LAMA2: variants seen among roughly 807,000 people sequenced by gnomAD.
LAMA2 encodes the protein laminin subunit alpha-2.
Under a neutral mutation model 364.8 loss-of-function variants are expected in LAMA2, and 269 were observed. The observed-to-expected ratio is 0.74, with a 90% confidence interval of 0.67 to 0.82. The LOEUF is 0.82. LAMA2 is among the 40% of genes least tolerant of loss of function. The pLI is 0.00. For missense variants in LAMA2, 3,807 were observed against 3,873.2 expected (o/e 0.98, Z 0.45); for synonymous variants, 1,379 against 1,370.6 (o/e 1.01, Z -0.14).
chr6:128,933,778 T>C (rs1779640780), intron 1 of LAMA2, among the ~76,000 whole-genome samples: 1 of 152,208 alleles, frequency 6.6e-6, no homozygotes. Context: ...ATTTTGAAAT[T>C]GGCTTATTTT....
At chr6:129,297,552 G>A in intron 20 of LAMA2, 133 bp from the exon 21 acceptor site, 2 of 793,152 alleles carry the variant, frequency 2.5e-6, no homozygotes, top group Non-Finnish European at 2.1e-6. Context: ...AAACCCAATT[G>A]TCATAACATC....
At chr6:129,202,187 C>CAAAAAAAAAA (rs776190977) in intron 12 of LAMA2, among the ~76,000 whole-genome samples, 70 of 61,844 alleles carry the variant, frequency 1.1e-3, no homozygotes, top group East Asian at 1.8e-3. Flanking sequence ...GAGTCTGTCT[C>CAAAAAAAAAA]AAAAAAAAAA....
At chr6:128,936,752 A>G (rs1244352620) in intron 1 of LAMA2, among the ~76,000 whole-genome samples, 1 of 152,190 alleles carries the variant, frequency 6.6e-6, no homozygotes, top group African/African-American at 2.4e-5. Flanking sequence ...GAGATGATAA[A>G]AGGCCACCAT....
At chr6:129,465,366 A>G (rs1256509296) in intron 51 of LAMA2, 77 bp downstream of exon 51, 2 of 1,228,238 alleles carry the variant, frequency 1.6e-6, no homozygotes, top group African/African-American at 1.5e-5. Flanking sequence ...ATCAAGAGGA[A>G]GGCTCCGTCT....
chr6:128,994,824 A>T (rs1239003579), intron 1 of LAMA2, among the ~76,000 whole-genome samples: 2 of 152,122 alleles, frequency 1.3e-5, no homozygotes, highest in Non-Finnish European at 2.9e-5. Context: ...GCTAATTAAC[A>T]TTAATTCTAT....
chr6:129,498,173 G>A (rs1187414143), intron 58 of LAMA2, among the ~76,000 whole-genome samples: 7 of 152,194 alleles, frequency 4.6e-5, no homozygotes, highest in African/African-American at 1.2e-4. Context: ...GAGTTCAGCC[G>A]TAAACCTCAC....
At chr6:129,394,124 A>G (rs112060396) in intron 37 of LAMA2, among the ~76,000 whole-genome samples, 5,601 of 152,318 alleles carry the variant, frequency 0.037, 340 homozygotes, top group African/African-American at 0.12. Context: ...CTCAGCACAT[A>G]TAACAGCAGC....
At chr6:129,087,906 A>AT (rs921661843) in intron 3 of LAMA2, among the ~76,000 whole-genome samples, 21 of 148,402 alleles carry the variant, frequency 1.4e-4, no homozygotes, top group African/African-American at 4.9e-4. Context: ...TTATTTATTT[A>AT]TTTTTTTTAT....
chr6:129,066,038 G>GTATGTCTTTTTTTTTTTTTTTTTT (rs59543848), intron 3 of LAMA2, among the ~76,000 whole-genome samples: 15 of 37,114 alleles, frequency 4.0e-4, no homozygotes, highest in East Asian at 2.7e-3. Context: ...CCAGTCTCAG[G>GTATGTCTTTTTTTTTTTTTTTTTT]TTTTTTTTTT....
At chr6:129,252,759 C>G (rs1358353985) in intron 14 of LAMA2, among the ~76,000 whole-genome samples, 1 of 144,560 alleles carries the variant, frequency 6.9e-6, no homozygotes, top group Non-Finnish European at 1.5e-5. Context: ...TAAGTGACCA[C>G]CCATCTCACT....
chr6:129,420,170 C>T (rs963390833), intron 40 of LAMA2, among the ~76,000 whole-genome samples: 4 of 151,994 alleles, frequency 2.6e-5, no homozygotes, highest in Non-Finnish European at 4.4e-5. Flanking sequence ...ATTTATATAA[C>T]TGTTTCATAA....
At chr6:129,093,224 C>T (rs182196822) in intron 3 of LAMA2, among the ~76,000 whole-genome samples, 18 of 151,458 alleles carry the variant, frequency 1.2e-4, no homozygotes, top group Admixed American at 2.0e-4. Flanking sequence ...CTCCTGACAT[C>T]GTGATCCGCC....
intron 56 of LAMA2, among the ~76,000 whole-genome samples, chr6:129,487,282 A>G (rs1278515703): frequency 6.6e-6 from 1 of 152,226 alleles, no homozygotes; most frequent in Admixed American, 6.5e-5. Flanking sequence ...CTCATGCACA[A>G]ACTGATGACT....
In LAMA2 at chr6:129,512,391, T is replaced by C; in HGVS notation, c.8886T>C (p.Leu2962=). 2 of 1,613,744 alleles carry C rather than the reference T, an allele frequency of 1.2e-6. No individual in the cohort carries two copies. Among genetic ancestry groups the C allele is most frequent in the Non-Finnish European group, 1.7e-6 (2 of 1,179,636 alleles). Residue 2962 remains leucine, a synonymous_variant, in exon 63 of 65, where the codon CTT becomes CTC. Coordinates refer to ENST00000421865, the MANE Select transcript of LAMA2 (RefSeq NM_000426.4). ...GTGGATTCAAAGTGGGATTGGACCT[T>C]CTTGTAGAATTTGAATTCCGCACAA... ...AVGGFKVGLD[L]LVEFEFRTTT... is the part of the protein sequence containing the mutation.
chr6:129,236,990 G>C (rs1785039923), intron 12 of LAMA2, among the ~76,000 whole-genome samples: 1 of 152,178 alleles, frequency 6.6e-6, no homozygotes, highest in Non-Finnish European at 1.5e-5. Context: ...ATTGACTCTA[G>C]TACTAGACTG....
At chr6:129,137,914 G>T (rs904182828) in intron 4 of LAMA2, among the ~76,000 whole-genome samples, 2 of 151,910 alleles carry the variant, frequency 1.3e-5, no homozygotes, top group African/African-American at 4.8e-5. Flanking sequence ...AAAAATAGGG[G>T]GAGTCAAGGG....
intron 34 of LAMA2, among the ~76,000 whole-genome samples, chr6:129,370,543 T>C (rs989350656): frequency 3.3e-5 from 5 of 152,216 alleles, no homozygotes; most frequent in African/African-American, 7.2e-5. Flanking sequence ...AAAACTGCGA[T>C]GGTATTAAAA....
At chr6:129,186,353 T>G (rs1338611257) in intron 10 of LAMA2, among the ~76,000 whole-genome samples, 1 of 151,762 alleles carries the variant, frequency 6.6e-6, no homozygotes, top group Non-Finnish European at 1.5e-5. Flanking sequence ...CCTTCATCAT[T>G]CGATATTTAG....
intron 1 of LAMA2, among the ~76,000 whole-genome samples, chr6:128,991,371 G>C (rs1367365692): frequency 3.3e-5 from 5 of 151,922 alleles, no homozygotes; most frequent in Non-Finnish European, 1.5e-5. Flanking sequence ...GCCATTTTTT[G>C]GTACAGCCAG....
Sources: gnomAD v4.1 joint callset for allele counts (sites outside exome capture counted in the v4.1 genomes callset) on GRCh38, gnomAD v4.1.1 for gene constraint, MANE v1.5 for transcripts, NCBI Gene and HGNC (gene_info 2026-07-23, HGNC 2026-07-21) for gene names.